DNAJC16: variants seen among roughly 807,000 people sequenced by gnomAD.
DNAJC16 encodes dnaJ homolog subfamily C member 16.
In DNAJC16, 76 loss-of-function variants were observed where a neutral mutation model predicts 92.7. The ratio of observed to expected loss-of-function variants is 0.82; its 90% CI spans 0.68 to 0.99. The LOEUF (loss-of-function observed/expected upper bound fraction) is 0.99, where lower values mean the gene tolerates loss of function less well. DNAJC16 is among the 50% of genes least tolerant of loss of function. The pLI is 0.00. For synonymous variants in DNAJC16, 328 were observed against 358.7 expected (o/e 0.91, Z 0.97); for missense variants, 869 against 942.4 (o/e 0.92, Z 1.02).
chr1:15,548,718 A>C (rs1175164266), intron 7 of DNAJC16, among the ~76,000 whole-genome samples: 1 of 152,226 alleles, frequency 6.6e-6, no homozygotes, highest in Non-Finnish European at 1.5e-5. Flanking sequence ...AGGAATAAGA[A>C]GAAGCCACAA....
intron 1 of DNAJC16, 98 bp downstream of exon 1, chr1:15,527,056 C>T (rs3795758): frequency 0.3 from 46,133 of 152,064 alleles, 7,427 homozygotes; most frequent in East Asian, 0.58. Flanking sequence ...CCAGTCACTG[C>T]TGGCCCCGGG....
At chr1:15,564,232 C>T in intron 10 of DNAJC16, 51 bp from the exon 11 acceptor site, 1 of 1,528,962 alleles carries the variant, frequency 6.5e-7, no homozygotes, top group Non-Finnish European at 9.1e-7. Context: ...GGTAGAGGGA[C>T]TCTCCCTTCC....
At chr1:15,529,304 T>C (rs376787315) in intron 2 of DNAJC16, 32 bp downstream of exon 2, 17 of 1,591,188 alleles carry the variant, frequency 1.1e-5, no homozygotes, top group Non-Finnish European at 1.5e-5. Context: ...AGGTTTAACA[T>C]AAGCTAAACA....
intron 3 of DNAJC16, among the ~76,000 whole-genome samples, chr1:15,534,912 G>A (rs1027668411): frequency 1.3e-5 from 2 of 151,958 alleles, no homozygotes; most frequent in African/African-American, 4.8e-5. Flanking sequence ...ATACCAAATC[G>A]CCTATATTTA....
chr1:15,533,312 A>ATGTT, intron 2 of DNAJC16, among the ~76,000 whole-genome samples: 1 of 152,212 alleles, frequency 6.6e-6, no homozygotes, highest in Non-Finnish European at 1.5e-5. Context: ...AGCCTGGACA[A>ATGTT]CATGGCAAAA....
At chr1:15,537,864 C>T (rs1341796851) in intron 4 of DNAJC16, among the ~76,000 whole-genome samples, 2 of 152,148 alleles carry the variant, frequency 1.3e-5, no homozygotes, top group African/African-American at 4.8e-5. Context: ...TTAAACACTG[C>T]GCGCGTACTG....
chr1:15,540,515 G>C (rs780434824), intron 4 of DNAJC16, among the ~76,000 whole-genome samples: 9 of 152,110 alleles, frequency 5.9e-5, no homozygotes, highest in Non-Finnish European at 1.3e-4. Flanking sequence ...CCTGGGTTCA[G>C]ATCCCATCAC....
rs1262522641 is a variant in DNAJC16 at position 15,536,857 on chromosome 1, T to C, written c.574+43T>C. The C allele has an allele frequency of 6.4e-6, 6 of 936,704 alleles. No homozygotes were observed. In the African/African-American group the frequency reaches 1.1e-4, roughly 18 times the overall value. The allele number at this position is 936,704 out of a possible 1,614,324, so 58.0% of individuals were successfully genotyped here. On this transcript the variant is annotated intron_variant, in intron 4 of 14. Transcript: ENST00000375847. The stretch of plus-strand genomic sequence containing the variant: ...ACTGAAAGATATTTATATAGATGAC[T>C]TTTTTTTTTTCAAGATGGAGTCTTG...
intron 2 of DNAJC16, among the ~76,000 whole-genome samples, chr1:15,530,418 A>G (rs1439746727): frequency 6.6e-6 from 1 of 152,222 alleles, no homozygotes; most frequent in African/African-American, 2.4e-5. Context: ...GGGTAGCAAT[A>G]AATCTAAAAC....
At chr1:15,536,269 G>A (rs901295615) in intron 3 of DNAJC16, among the ~76,000 whole-genome samples, 1 of 151,426 alleles carries the variant, frequency 6.6e-6, no homozygotes, top group Non-Finnish European at 1.5e-5. Flanking sequence ...TAGTAGAGAC[G>A]GGGTTTCTCC....
At chr1:15,547,477 C>T (rs1318183048) in intron 6 of DNAJC16, among the ~76,000 whole-genome samples, 4 of 148,414 alleles carry the variant, frequency 2.7e-5, no homozygotes, top group Admixed American at 2.0e-4. Flanking sequence ...AAGTCTCACT[C>T]TGTTGCCCAT....
chr1:15,559,922 G>A (rs1436532818), intron 8 of DNAJC16, among the ~76,000 whole-genome samples: 1 of 152,038 alleles, frequency 6.6e-6, no homozygotes, highest in African/African-American at 2.4e-5. Context: ...AATTAGCCGG[G>A]CATGGTGGCT....
At chr1:15,540,788 G>A (rs181678145) in intron 4 of DNAJC16, among the ~76,000 whole-genome samples, 295 of 152,256 alleles carry the variant, frequency 1.9e-3, no homozygotes, top group Non-Finnish European at 3.5e-3. Context: ...CTGGTATAAC[G>A]TATACTGAAT....
At chr1:15,562,713 C>T (rs959672363) in intron 9 of DNAJC16, among the ~76,000 whole-genome samples, 6 of 151,660 alleles carry the variant, frequency 4.0e-5, no homozygotes, top group African/African-American at 1.5e-4. Context: ...GTCTCAAACT[C>T]CCGAGCTCAG....
At position 15,548,293 on chromosome 1, in the gene DNAJC16, T is replaced by G. The variant is rs1352057146; in HGVS notation, c.888T>G (p.Asp296Glu). 6.2e-7 allele frequency: 1 copy of G among 1,614,066 alleles called. No homozygotes were observed. The highest frequency in any genetic ancestry group is 8.5e-7 in the Non-Finnish European group (1 of 1,179,970). Residue 296 changes from aspartate (D) to glutamate (E), a missense_variant, in exon 7 of 15, where the codon GAT (aspartate) becomes GAG (glutamate). Transcript: ENST00000375847. Reference protein sequence around the residue: ...LYKLTAFAYKDYLSFGYVYVG... With the variant: ...LYKLTAFAYKEYLSFGYVYVG... ...AGTTGACTGCCTTTGCATACAAAGA[T>G]TATTTATCATTTGGATATGTATATG... is the stretch of plus-strand genomic sequence containing the variant.
chr1:15,563,847 C>CAA (rs71002909), intron 9 of DNAJC16, 82 bp from the exon 10 acceptor site: 612 of 1,101,366 alleles, frequency 5.6e-4, no homozygotes, highest in Non-Finnish European at 6.1e-4. Flanking sequence ...AAGACTCCGT[C>CAA]AAAAAAAAAA....
At chr1:15,557,955 C>A (rs1638604211) in intron 7 of DNAJC16, among the ~76,000 whole-genome samples, 1 of 151,802 alleles carries the variant, frequency 6.6e-6, no homozygotes, top group African/African-American at 2.4e-5. Flanking sequence ...TCCCGTTGCC[C>A]AGGCTGGTAT....
chr1:15,546,915 C>CTTTTTTTTTTTTTTTTTT, intron 6 of DNAJC16, 44 bp downstream of exon 6: 21 of 906,236 alleles, frequency 2.3e-5, no homozygotes, highest in South Asian at 1.1e-4. Flanking sequence ...CTTTTCTTTT[C>CTTTTTTTTTTTTTTTTTT]TTTTTTTTTT....
chr1:15,555,033 C>CT (rs35798505), intron 7 of DNAJC16, among the ~76,000 whole-genome samples: 2,895 of 121,922 alleles, frequency 0.024, 83 homozygotes, highest in African/African-American at 0.072. Flanking sequence ...TATTAAAAAG[C>CT]TTTTTTTTTT....
Sources: allele counts gnomAD v4.1 joint callset (sites outside exome capture counted in the v4.1 genomes callset), GRCh38; gene constraint gnomAD v4.1.1; transcripts MANE v1.5; gene names NCBI Gene and HGNC (gene_info 2026-07-23, HGNC 2026-07-21).